The following CIAO2A variants were observed in gnomAD, a reference collection of about 807,000 sequenced individuals.
CIAO2A encodes cytosolic iron-sulfur assembly component 2A, also known as MIP18 family protein FAM96A.
CIAO2A carries 17 observed loss-of-function variants against 22.4 expected under a neutral mutation model. The observed-to-expected ratio is 0.76, with a 90% CI of 0.52 to 1.14. The LOEUF is 1.14. CIAO2A is among the 50% of genes most tolerant of loss of function. CIAO2A has a pLI of 0.00. For synonymous variants in CIAO2A, 74 were observed against 72.3 expected (o/e 1.02, Z -0.12); for missense variants, 192 against 191.4 (o/e 1.00, Z -0.02).
intron 3 of CIAO2A, among the ~76,000 whole-genome samples, chr15:64,076,351 T>C (rs991681778): frequency 6.6e-6 from 1 of 152,182 alleles, no homozygotes; most frequent in African/African-American, 2.4e-5. Context: ...TGGAAGTTTC[T>C]TCACATTGCT....
At chr15:64,076,584 G>A (rs72755061) in intron 3 of CIAO2A, among the ~76,000 whole-genome samples, 7,001 of 152,014 alleles carry the variant, frequency 0.046, 202 homozygotes, top group South Asian at 0.084. Context: ...TAATAAAGAC[G>A]TCTACTTTCC....
At chr15:64,073,086 C>G in intron 4 of CIAO2A, 58 bp from the exon 5 acceptor site, 1 of 1,191,804 alleles carries the variant, frequency 8.4e-7, no homozygotes. Context: ...CAGCACCAGA[C>G]AGTATTTTTA....
intron 3 of CIAO2A, among the ~76,000 whole-genome samples, 195 bp from the exon 4 acceptor site, chr15:64,075,732 C>A (rs559145446): frequency 6.6e-6 from 1 of 150,746 alleles, no homozygotes; most frequent in East Asian, 1.9e-4. Flanking sequence ...CTCACTGCAA[C>A]CTCCGCCTCC....
At chr15:64,077,907 G>A (rs117065060) in intron 3 of CIAO2A, among the ~76,000 whole-genome samples, 2,036 of 152,280 alleles carry the variant, frequency 0.013, 19 homozygotes, top group Non-Finnish European at 0.021. Context: ...TAATGTAAGA[G>A]AATGTCCTTG....
intron 3 of CIAO2A, 90 bp downstream of exon 3, chr15:64,081,012 C>G: frequency 2.3e-6 from 3 of 1,296,364 alleles, no homozygotes; most frequent in Admixed American, 1.9e-5. Flanking sequence ...AATTGGTACA[C>G]TTTAAATACG....
At chr15:64,087,043 C>G (rs964065529) in intron 2 of CIAO2A, among the ~76,000 whole-genome samples, 6 of 147,890 alleles carry the variant, frequency 4.1e-5, no homozygotes, top group Non-Finnish European at 7.4e-5. Context: ...TCTCAAGTAG[C>G]TGGGATTACA....
intron 1 of CIAO2A, among the ~76,000 whole-genome samples, chr15:64,090,645 T>C (rs1429411501): frequency 6.6e-6 from 1 of 152,112 alleles, no homozygotes; most frequent in Non-Finnish European, 1.5e-5. Flanking sequence ...AACAGGTCTT[T>C]CATTTGTCAC....
intron 3 of CIAO2A, among the ~76,000 whole-genome samples, chr15:64,075,901 G>GAC (rs1219476907): frequency 1.3e-5 from 2 of 151,544 alleles, no homozygotes; most frequent in Non-Finnish European, 2.9e-5. Flanking sequence ...GACCTCAGGT[G>GAC]ATCCGCCTCG....
intron 2 of CIAO2A, among the ~76,000 whole-genome samples, chr15:64,083,554 T>C (rs1008055638): frequency 6.6e-6 from 1 of 152,196 alleles, no homozygotes. Context: ...TGGAGGAATA[T>C]CTGTTAACAC....
chr15:64,087,771 G>T (rs2080809392), intron 2 of CIAO2A, among the ~76,000 whole-genome samples: 1 of 152,070 alleles, frequency 6.6e-6, no homozygotes, highest in African/African-American at 2.4e-5. Context: ...AACATAAAAA[G>T]GTATAAAGTC....
intron 3 of CIAO2A, among the ~76,000 whole-genome samples, chr15:64,076,464 A>G (rs912019240): frequency 5.9e-5 from 9 of 152,094 alleles, no homozygotes; most frequent in African/African-American, 2.2e-4. Context: ...TGGTTAAGCT[A>G]TCCCTCCTGG....
At chr15:64,089,381 A>G (rs944790833) in intron 1 of CIAO2A, among the ~76,000 whole-genome samples, 1 of 152,014 alleles carries the variant, frequency 6.6e-6, no homozygotes, top group Non-Finnish European at 1.5e-5. Flanking sequence ...CACAAAAATT[A>G]GCCGGGTGTA....
intron 1 of CIAO2A, 28 bp from the exon 2 acceptor site, chr15:64,088,879 C>G: frequency 6.3e-7 from 1 of 1,584,664 alleles, no homozygotes; most frequent in Non-Finnish European, 8.6e-7. Context: ...ATAAGATATT[C>G]TATTAAAACA....
chr15:64,091,584 G>A (rs1235347907), intron 1 of CIAO2A, among the ~76,000 whole-genome samples: 1 of 152,104 alleles, frequency 6.6e-6, no homozygotes, highest in Non-Finnish European at 1.5e-5. Flanking sequence ...ATGGGACTTA[G>A]GGAAACAGAG....
intron 4 of CIAO2A, 188 bp downstream of exon 4, chr15:64,075,304 C>T: frequency 5.9e-6 from 3 of 505,470 alleles, no homozygotes; most frequent in Admixed American, 3.9e-5. Context: ...CTAGTGCACT[C>T]GGAGTCCACT....
chr15:64,078,639 CAAAAAAA>C (rs56266808), intron 3 of CIAO2A, among the ~76,000 whole-genome samples: 12 of 129,152 alleles, frequency 9.3e-5, no homozygotes, highest in Non-Finnish European at 1.6e-4. Context: ...CCATCGCAAA[CAAAAAAA>C]AAAAAAAAAG....
At chr15:64,093,064 G>A (rs1358150839) in intron 1 of CIAO2A, among the ~76,000 whole-genome samples, 1 of 152,250 alleles carries the variant, frequency 6.6e-6, no homozygotes, top group African/African-American at 2.4e-5. Context: ...CAACATGGAA[G>A]AGTGTGTATG....
At chr15:64,078,485 A>AT (rs1049347704) in intron 3 of CIAO2A, among the ~76,000 whole-genome samples, 4 of 152,038 alleles carry the variant, frequency 2.6e-5, no homozygotes, top group African/African-American at 7.2e-5. Flanking sequence ...AAATACAAAA[A>AT]TTTAGCTGGG....
At chr15:64,077,577 A>C (rs2140106196) in intron 3 of CIAO2A, among the ~76,000 whole-genome samples, 1 of 152,350 alleles carries the variant, frequency 6.6e-6, no homozygotes, top group East Asian at 1.9e-4. Context: ...TGCAATGAGA[A>C]CACATTTATT....
Sources: allele counts gnomAD v4.1 joint callset (sites outside exome capture counted in the v4.1 genomes callset), GRCh38; gene constraint gnomAD v4.1.1; transcripts MANE v1.5; gene names NCBI Gene and HGNC (gene_info 2026-07-23, HGNC 2026-07-21).